CPD: variants seen among roughly 807,000 people sequenced by gnomAD.
The protein encoded by CPD is metallocarboxypeptidase D.
CPD carries 69 observed loss-of-function variants against 138.3 expected under a neutral mutation model. The ratio of observed to expected loss-of-function variants is 0.50; its 90% CI spans 0.41 to 0.61. CPD has a LOEUF of 0.61. Among genes scored for constraint, CPD ranks in the 20% least tolerant of loss-of-function variants. CPD has a pLI of 0.00. For synonymous variants in CPD, 651 were observed against 642.1 expected, an observed-to-expected ratio of 1.01 and a Z score of -0.21; for missense variants, 1,432 against 1,733.3, an observed-to-expected ratio of 0.83 and a Z score of 3.09.
chr17:30,400,188 T>C (rs2143346984), intron 2 of CPD, among the ~76,000 whole-genome samples: 1 of 152,312 alleles, frequency 6.6e-6, no homozygotes, highest in South Asian at 2.1e-4. Context: ...CTCATTTTAA[T>C]CCCACTGCTT....
rs779415430 is a variant in CPD, at chr17:30,456,527, G to A, written c.3498+1G>A. Reference sequence around the variant, plus strand: ...GCATAGTCACCTGGGCAGCATGAAGGTATGCTTTCTAGAACATGGTTAGAA... The same window carrying A: ...GCATAGTCACCTGGGCAGCATGAAGATATGCTTTCTAGAACATGGTTAGAA... On this transcript the variant is annotated splice_donor_variant, in intron 17 of 20. Coordinates refer to ENST00000225719, the MANE Select transcript of CPD (RefSeq NM_001304.5). LOFTEE classifies it high-confidence loss of function. The A allele has an allele frequency of 6.2e-7, 1 of 1,613,748 alleles. No individual in the cohort carries two copies. Among genetic ancestry groups the A allele is most frequent in the South Asian group, 1.1e-5 (1 of 91,078 alleles).
At chr17:30,385,659 C>T (rs1003429651) in intron 2 of CPD, among the ~76,000 whole-genome samples, 1 of 151,898 alleles carries the variant, frequency 6.6e-6, no homozygotes, top group African/African-American at 2.4e-5. Flanking sequence ...TATACTATTA[C>T]CATAACTGAG....
Position 30,465,764 on chromosome 17 carries a change from A to G in CPD, c.*950A>G, listed in dbSNP as rs1855082353. 6.6e-6 allele frequency: 1 copy of G among 152,656 alleles called. No homozygotes were observed. 9.5% of individuals were successfully genotyped at this position (152,656 alleles called of 1,614,324 possible). On this transcript the variant is annotated 3_prime_UTR_variant, in exon 21 of 21. Coordinates refer to ENST00000225719, the MANE Select transcript of CPD (RefSeq NM_001304.5). ...GATCTGAATTCTACTGAAAATATCT[A>G]GAAATGTGGAAGAGACCTACTTGCA...
In CPD at chr17:30,423,539, A is replaced by G; in HGVS notation, c.1691A>G (p.His564Arg). The change falls in exon 6 of 21, where the codon CAT (histidine) becomes CGT (arginine). Residue 564 changes from histidine to arginine, a missense_variant. By Grantham distance (29) the His-to-Arg change is conservative (BLOSUM62 0). This residue lies in a region of CPD where 297 missense variants were observed against 405.3 expected (regional missense o/e 0.73). Transcript: ENST00000225719. ...GAATTTAAGTACATTGGAAATATGCATGGAAATGAAGTGGTTGGAAGAGAA... is the reference window on the plus strand; with the variant it reads ...GAATTTAAGTACATTGGAAATATGCGTGGAAATGAAGTGGTTGGAAGAGAA... ...EPEFKYIGNM[H>R]GNEVVGRELL... is the part of the protein sequence containing the mutation. The G allele has an allele frequency of 1.3e-6, 2 of 1,593,488 alleles. No individual in the cohort carries two copies. The highest frequency in any genetic ancestry group is 1.7e-6 in the Non-Finnish European group (2 of 1,172,396).
intron 8 of CPD, among the ~76,000 whole-genome samples, chr17:30,435,983 C>T (rs1353080776): frequency 1.3e-5 from 2 of 152,104 alleles, no homozygotes; most frequent in Non-Finnish European, 2.9e-5. Context: ...ACAAGGACAC[C>T]GTCATATTGG....
intron 13 of CPD, among the ~76,000 whole-genome samples, chr17:30,451,233 T>C (rs989724673): frequency 2.0e-5 from 3 of 152,216 alleles, no homozygotes; most frequent in Non-Finnish European, 4.4e-5. Flanking sequence ...AAAGAATTGA[T>C]GTCATGATTA....
intron 14 of CPD, among the ~76,000 whole-genome samples, chr17:30,452,382 C>T (rs1474212421): frequency 6.6e-6 from 1 of 151,486 alleles, no homozygotes; most frequent in Non-Finnish European, 1.5e-5. Flanking sequence ...AGCAATTATC[C>T]TGCCTCAGCC....
chr17:30,427,163 C>T lies in CPD; in HGVS notation c.1850-228C>T, dbSNP rs548719288. On this transcript the variant is annotated intron_variant, in intron 6 of 20. Transcript: ENST00000225719. Reference sequence around the variant, plus strand: ...CGCCACTGCACTCCAGCCTGGGTGACTGAGTGAGACTCCATCTCAAAAAAA... The same window carrying T: ...CGCCACTGCACTCCAGCCTGGGTGATTGAGTGAGACTCCATCTCAAAAAAA... Among the ~76,000 whole-genome samples the T allele has an allele frequency of 1.2e-4, 18 of 148,868 alleles. No homozygotes were observed. In the East Asian group the frequency reaches 3.3e-3, roughly 28 times the overall value.
chr17:30,405,010 C>G (rs930010329), intron 2 of CPD, among the ~76,000 whole-genome samples: 1 of 152,048 alleles, frequency 6.6e-6, no homozygotes, highest in Non-Finnish European at 1.5e-5. Context: ...AAAGAGTTTA[C>G]TTGGTATGAT....
intron 20 of CPD, among the ~76,000 whole-genome samples, chr17:30,462,801 T>TA (rs1444957313): frequency 1.3e-5 from 2 of 152,186 alleles, no homozygotes; most frequent in African/African-American, 4.8e-5. Flanking sequence ...ACCCAGGTGT[T>TA]TATTAACAGC....
intron 17 of CPD, among the ~76,000 whole-genome samples, chr17:30,460,551 C>G (rs2143510337): frequency 6.6e-6 from 1 of 152,062 alleles, no homozygotes; most frequent in African/African-American, 2.4e-5. Flanking sequence ...CAAGATTCAG[C>G]AAATTATGGA....
intron 2 of CPD, among the ~76,000 whole-genome samples, chr17:30,401,360 T>C (rs1911659903): frequency 1.3e-5 from 2 of 151,384 alleles, no homozygotes; most frequent in African/African-American, 2.4e-5. Context: ...CTTCCTCTTC[T>C]TCCTCCTCTT....
In CPD at chr17:30,464,845, G is replaced by A. The variant is rs760660884; in HGVS notation, c.*31G>A. ...ACATTTTGCATATCTCCCAGCATAA[G>A]TACCAAGCAAAATTACAGTTCCTCT... On this transcript the variant is annotated 3_prime_UTR_variant, in exon 21 of 21. Transcript: ENST00000225719. 5.1e-6 allele frequency: 8 copies of A among 1,561,356 alleles called. No homozygotes were observed. The South Asian group carries it at 7.8e-5, about 15-fold the overall frequency.
intron 2 of CPD, among the ~76,000 whole-genome samples, chr17:30,409,217 G>A (rs974691903): frequency 7.2e-5 from 11 of 152,246 alleles, no homozygotes; most frequent in African/African-American, 1.4e-4. Context: ...TGACTTGATC[G>A]TGGTGGATAA....
intron 1 of CPD, among the ~76,000 whole-genome samples, chr17:30,383,012 G>T (rs901688273): frequency 4.6e-5 from 7 of 152,284 alleles, no homozygotes; most frequent in Admixed American, 2.0e-4. Flanking sequence ...GTCAGTGGGG[G>T]AAAAATACTT....
At chr17:30,449,452 C>T in intron 12 of CPD, 101 bp from the exon 13 acceptor site, 6 of 1,115,070 alleles carry the variant, frequency 5.4e-6, no homozygotes, top group Non-Finnish European at 7.5e-6. Flanking sequence ...CTTTTTAAAA[C>T]TTTTTGTGTT....
chr17:30,401,375 TTCTTCCTCC>T, intron 2 of CPD, among the ~76,000 whole-genome samples: 1 of 151,182 alleles, frequency 6.6e-6, no homozygotes, highest in African/African-American at 2.4e-5. Flanking sequence ...CCTCTTCCTC[TTCTTCCTCC>T]TCTTCCTCTT....
intron 6 of CPD, among the ~76,000 whole-genome samples, chr17:30,424,313 T>C (rs1912344157): frequency 6.6e-6 from 1 of 152,200 alleles, no homozygotes; most frequent in African/African-American, 2.4e-5. Flanking sequence ...GAGAATAGAT[T>C]GTAAATGTTT....
chr17:30,420,191 C>G (rs1912228236), intron 2 of CPD, among the ~76,000 whole-genome samples: 2 of 152,130 alleles, frequency 1.3e-5, no homozygotes, highest in Non-Finnish European at 2.9e-5. Flanking sequence ...CTTTTAAGTT[C>G]CATCTTCCGT....
Sources: gnomAD v4.1 joint callset for allele counts (sites outside exome capture counted in the v4.1 genomes callset) on GRCh38, gnomAD v4.1.1 for gene constraint, gnomAD v4.1.1 regional missense constraint, MANE v1.5 for transcripts, NCBI Gene and HGNC (gene_info 2026-07-23, HGNC 2026-07-21) for gene names.